WDR72: variants seen among roughly 807,000 people sequenced by gnomAD.
The protein encoded by WDR72 is WD repeat domain 72.
A neutral mutation model predicts 124.2 loss-of-function variants in WDR72; 120 were observed. That is an observed-to-expected ratio of 0.97 (90% confidence interval 0.83 to 1.12). WDR72 has a LOEUF of 1.12. Among genes scored for constraint, WDR72 ranks in the 50% most tolerant of loss-of-function variants. WDR72 has a pLI of 0.00. For synonymous variants in WDR72, 452 were observed against 441.7 expected (o/e 1.02, Z -0.29); for missense variants, 1,387 against 1,278.8 (o/e 1.08, Z -1.29).
At chr15:53,560,816 C>G (rs543056226) in intron 18 of WDR72, among the ~76,000 whole-genome samples, 116 of 151,778 alleles carry the variant, frequency 7.6e-4, no homozygotes, top group African/African-American at 2.7e-3. Flanking sequence ...AACCACACTG[C>G]ATTCTTCTCA....
intron 1 of WDR72, among the ~76,000 whole-genome samples, chr15:53,751,511 T>C (rs28588348): frequency 0.099 from 15,027 of 152,238 alleles, 1,853 homozygotes; most frequent in African/African-American, 0.29. Context: ...ATCGTATACT[T>C]AATAGGCTTT....
intron 14 of WDR72, among the ~76,000 whole-genome samples, chr15:53,623,479 T>TTATATA (rs139646158): frequency 0.048 from 7,105 of 149,376 alleles, 571 homozygotes; most frequent in African/African-American, 0.17. Context: ...TAGCATTATA[T>TTATATA]TATATATATA....
At chr15:53,743,854 A>G (rs1302867837) in intron 1 of WDR72, among the ~76,000 whole-genome samples, 1 of 152,074 alleles carries the variant, frequency 6.6e-6, no homozygotes, top group Non-Finnish European at 1.5e-5. Flanking sequence ...GGGCGCCTGT[A>G]GTCCCAGCTA....
At chr15:53,531,102 T>C (rs529888025) in intron 18 of WDR72, among the ~76,000 whole-genome samples, 2 of 152,212 alleles carry the variant, frequency 1.3e-5, no homozygotes, top group South Asian at 2.1e-4. Context: ...TAGTTCTTTG[T>C]CAACATTAAG....
chr15:53,587,192 C>T (rs1276893612), intron 18 of WDR72, among the ~76,000 whole-genome samples: 1 of 152,006 alleles, frequency 6.6e-6, no homozygotes, highest in African/African-American at 2.4e-5. Context: ...AAAAGAAAAG[C>T]TTTGTATGTA....
At chr15:53,650,775 A>G (rs2015207900) in intron 14 of WDR72, among the ~76,000 whole-genome samples, 1 of 152,090 alleles carries the variant, frequency 6.6e-6, no homozygotes, top group Admixed American at 6.6e-5. Flanking sequence ...GTTTTTGCCA[A>G]CTTGATGTTA....
chr15:53,759,079 C>T (rs999466724), intron 1 of WDR72, among the ~76,000 whole-genome samples: 1 of 152,148 alleles, frequency 6.6e-6, no homozygotes, highest in African/African-American at 2.4e-5. Flanking sequence ...AAAGTTTCGC[C>T]AGCCCCCGTC....
chr15:53,535,791 C>A (rs539876645), intron 18 of WDR72, among the ~76,000 whole-genome samples: 2 of 152,256 alleles, frequency 1.3e-5, no homozygotes, highest in Admixed American at 1.3e-4. Flanking sequence ...TTTTGTACAG[C>A]AGAATCTCAG....
chr15:53,651,514 T>A (rs1337533352), intron 14 of WDR72, among the ~76,000 whole-genome samples: 2 of 152,234 alleles, frequency 1.3e-5, no homozygotes, highest in African/African-American at 4.8e-5. Flanking sequence ...AGTATTCTGT[T>A]TTGCATTCCA....
At chr15:53,648,262 T>C (rs2015113995) in intron 14 of WDR72, among the ~76,000 whole-genome samples, 1 of 152,144 alleles carries the variant, frequency 6.6e-6, no homozygotes, top group South Asian at 2.1e-4. Context: ...ATTATTTCCT[T>C]CCATTTGTTT....
intron 3 of WDR72, among the ~76,000 whole-genome samples, chr15:53,719,468 T>G (rs2017811212): frequency 6.6e-6 from 1 of 152,212 alleles, no homozygotes; most frequent in African/African-American, 2.4e-5. Context: ...AGCTCTATAT[T>G]TCTATAGGCA....
intron 14 of WDR72, among the ~76,000 whole-genome samples, chr15:53,639,997 CT>C (rs2014788155): frequency 1.3e-5 from 2 of 152,126 alleles, no homozygotes; most frequent in Non-Finnish European, 2.9e-5. Context: ...TAACATTCTC[CT>C]TCTAGTAACT....
intron 18 of WDR72, among the ~76,000 whole-genome samples, chr15:53,567,463 C>A (rs374709036): frequency 9.9e-5 from 15 of 152,042 alleles, no homozygotes; most frequent in African/African-American, 3.4e-4. Context: ...AACAAAAAAC[C>A]CTGTTTTTCA....
rs1349552177 is a variant in WDR72, at chr15:53,515,988, A to G, written c.*1711T>C. The stretch of plus-strand genomic sequence containing the variant: ...TCAAAATGCTTTTGGGAGTCCTTAT[A>G]ATGTCCTTGACAACTGGTATACAAC... On this transcript the variant is annotated 3_prime_UTR_variant, in exon 20 of 20. Transcript: ENST00000360509. 1 of 152,110 alleles carries G rather than the reference A, an allele frequency of 6.6e-6. No homozygotes were observed. The highest frequency in any genetic ancestry group is 1.5e-5 in the Non-Finnish European group (1 of 67,988). The allele number at this position is 152,110 out of a possible 1,614,324, so 9.4% of individuals were successfully genotyped here.
At chr15:53,685,240 G>A (rs965003949) in intron 13 of WDR72, among the ~76,000 whole-genome samples, 2 of 145,808 alleles carry the variant, frequency 1.4e-5, no homozygotes, top group African/African-American at 5.2e-5. Context: ...AGAGAAGAAG[G>A]CTTCAGACGA....
intron 18 of WDR72, among the ~76,000 whole-genome samples, chr15:53,571,515 C>T (rs1054254574): frequency 1.1e-4 from 17 of 152,048 alleles, no homozygotes; most frequent in African/African-American, 4.1e-4. Flanking sequence ...ATAATGTCTT[C>T]CAGGTTCATT....
intron 3 of WDR72, 32 bp downstream of exon 3, chr15:53,722,770 A>C (rs2140578000): frequency 6.3e-7 from 1 of 1,586,008 alleles, no homozygotes; most frequent in Non-Finnish European, 8.7e-7. Context: ...AAGGAAATGG[A>C]GAAGGGGACA....
intron 17 of WDR72, among the ~76,000 whole-genome samples, chr15:53,605,460 C>A (rs932500906): frequency 6.6e-6 from 1 of 152,194 alleles, no homozygotes; most frequent in African/African-American, 2.4e-5. Context: ...ATCTATGAAA[C>A]AAACCTGCAC....
intron 18 of WDR72, among the ~76,000 whole-genome samples, chr15:53,544,635 C>T (rs1893349241): frequency 6.8e-6 from 1 of 147,764 alleles, no homozygotes; most frequent in Non-Finnish European, 1.5e-5. Flanking sequence ...CACTCCTATT[C>T]AACATAGTGT....
Sources: allele counts gnomAD v4.1 joint callset (sites outside exome capture counted in the v4.1 genomes callset), GRCh38; gene constraint gnomAD v4.1.1; transcripts MANE v1.5; gene names NCBI Gene and HGNC (gene_info 2026-07-23, HGNC 2026-07-21).